ARHGAP5: variants seen among roughly 807,000 people sequenced by gnomAD.
ARHGAP5 encodes the protein Rho GTPase activating protein 5.
Under a neutral mutation model 116.6 loss-of-function variants are expected in ARHGAP5, and 23 were observed. That is an observed-to-expected ratio of 0.20 (90% CI 0.14 to 0.28). ARHGAP5 has a LOEUF of 0.28. Ranked by LOEUF, ARHGAP5 falls within the 10% of genes least tolerant of loss-of-function variation. ARHGAP5 has a pLI of 1.00. For synonymous variants in ARHGAP5, 574 were observed against 602.0 expected (o/e 0.95, Z 0.68); for missense variants, 1,405 against 1,774.8 (o/e 0.79, Z 3.74).
Position 32,131,024 on chromosome 14 carries a change from C to T in ARHGAP5, c.3865+13737C>T, listed in dbSNP as rs534535289. On this transcript the variant is annotated intron_variant, in intron 3 of 6. Coordinates refer to ENST00000345122, the MANE Select transcript of ARHGAP5 (RefSeq NM_001030055.2). ...CAGTTAAAAACGGCATGACACTTCA[C>T]CTCCAAGTCATTTAGCATAGATTTC... is the stretch of plus-strand genomic sequence containing the variant. Among the ~76,000 whole-genome samples the T allele has an allele frequency of 5.6e-4, 86 of 152,268 alleles. 1 individual carries two copies. Among genetic ancestry groups the T allele is most frequent in the African/African-American group, 1.8e-3 (76 of 41,558 alleles).
chr14:32,154,546 A>G (rs1814390283), intron 6 of ARHGAP5, 75 bp from the exon 7 acceptor site: 1 of 1,228,716 alleles, frequency 8.1e-7, no homozygotes, highest in Non-Finnish European at 1.1e-6. Context: ...TAAATCTGAG[A>G]TCATTTCTAG....
Position 32,093,167 on chromosome 14 carries a change from T to A in ARHGAP5, c.2498T>A (p.Ile833Lys), listed in dbSNP as rs779254275. 1 of 1,614,014 alleles carries A rather than the reference T, an allele frequency of 6.2e-7. No individual in the cohort carries two copies. Among genetic ancestry groups the A allele is most frequent in the Admixed American group, 1.7e-5 (1 of 60,012 alleles). Residue 833 changes from isoleucine to lysine, a missense_variant, in exon 2 of 7, where the codon ATA (isoleucine) becomes AAA (lysine). Around this residue, in one of 6 missense-constraint regions of ARHGAP5, gnomAD observed 944 missense variants for 1,095.3 expected, o/e 0.86. Transcript: ENST00000345122. Reference sequence around the variant, plus strand: ...AAAAGGAGGCGAATACAGATCACAATATTATCATACCACTCTTCAATTGGA... The same window carrying A: ...AAAAGGAGGCGAATACAGATCACAAAATTATCATACCACTCTTCAATTGGA... Reference protein sequence around the residue: ...GEKRRRIQITILSYHSSIGVR... With the variant: ...GEKRRRIQITKLSYHSSIGVR...
At chr14:32,129,094 G>A (rs570772296) in intron 3 of ARHGAP5, among the ~76,000 whole-genome samples, 2 of 152,242 alleles carry the variant, frequency 1.3e-5, no homozygotes, top group Admixed American at 1.3e-4. Flanking sequence ...TTTCTAGTTT[G>A]CAACTTCTAA....
chr14:32,139,497 A>G (rs1278516711), intron 3 of ARHGAP5, among the ~76,000 whole-genome samples: 3 of 152,068 alleles, frequency 2.0e-5, no homozygotes, highest in Admixed American at 6.5e-5. Flanking sequence ...ATGGCGTACA[A>G]TTGTTCATAG....
intron 2 of ARHGAP5, among the ~76,000 whole-genome samples, chr14:32,111,328 G>A (rs1287153659): frequency 6.6e-6 from 1 of 152,176 alleles, no homozygotes; most frequent in Non-Finnish European, 1.5e-5. Flanking sequence ...GTGTTGATCA[G>A]GAGGGACCAG....
At chr14:32,143,239 G>GTTGTTA (rs1456165613) in intron 3 of ARHGAP5, among the ~76,000 whole-genome samples, 91 of 143,972 alleles carry the variant, frequency 6.3e-4, no homozygotes, top group African/African-American at 1.2e-3. Context: ...TGTTGTTGTT[G>GTTGTTA]TTATTATTAT....
intron 6 of ARHGAP5, chr14:32,154,166 A>C (rs1881787014): frequency 6.4e-6 from 1 of 156,908 alleles, no homozygotes; most frequent in African/African-American, 2.4e-5. Context: ...TGTTTTTGAG[A>C]CGGAATTTCA....
In ARHGAP5 at chr14:32,152,460, A is replaced by G. The variant is rs1044909597; in HGVS notation, c.4113A>G (p.Lys1371=). The change falls in exon 6 of 7, where the codon AAA becomes AAG. Residue 1371 remains lysine, a synonymous_variant. Transcript: ENST00000345122. ...AAACAGAACGTCTTCATGCCTTGAA[A>G]GAAATTGTTAAGAAATTTCATCCTG... ...PDKTERLHAL[K]EIVKKFHPVN... The G allele has an allele frequency of 3.7e-6, 6 of 1,607,890 alleles. No homozygotes were observed. Among genetic ancestry groups the G allele is most frequent in the Non-Finnish European group, 5.1e-6 (6 of 1,177,916 alleles).
intron 3 of ARHGAP5, among the ~76,000 whole-genome samples, chr14:32,120,911 G>A (rs911301854): frequency 1.8e-4 from 28 of 151,448 alleles, no homozygotes; most frequent in South Asian, 6.3e-4. Flanking sequence ...GTTGAAATCT[G>A]CAATCATGAT....
chr14:32,135,523 A>G (rs1315295937), intron 3 of ARHGAP5, among the ~76,000 whole-genome samples: 1 of 152,236 alleles, frequency 6.6e-6, no homozygotes, highest in Non-Finnish European at 1.5e-5. Flanking sequence ...CCCAGGTTCA[A>G]GCAGTTCTCC....
At chr14:32,115,294 A>C (rs1440961707) in intron 2 of ARHGAP5, among the ~76,000 whole-genome samples, 2 of 152,164 alleles carry the variant, frequency 1.3e-5, no homozygotes, top group East Asian at 3.9e-4. Context: ...AAACTGTGAA[A>C]ATTCTTACTT....
Position 32,093,333 on chromosome 14 carries a change from A to G in ARHGAP5, c.2664A>G (p.Gln888=), listed in dbSNP as rs1311463896. 1 of 1,613,888 alleles carries G rather than the reference A, an allele frequency of 6.2e-7. No homozygotes were observed. The highest frequency in any genetic ancestry group is 1.3e-5 in the African/African-American group (1 of 74,914). ...AGCTGGTGGCAGTTACTGACAGCCA[A>G]GCAGATTTTTTTGAAAATGAGGCTA... is the stretch of plus-strand genomic sequence containing the variant. ...PVQLVAVTDS[Q]ADFFENEAIK... is the part of the protein sequence containing the mutation. Residue 888 remains glutamine (Q), a synonymous_variant, in exon 2 of 7, where the codon CAA becomes CAG. Transcript: ENST00000345122.
chr14:32,090,829 A>T lies in ARHGAP5; in HGVS notation c.160A>T (p.Thr54Ser), dbSNP rs1464591455. The change falls in exon 2 of 7, where the codon ACT becomes TCT. Residue 54 changes from threonine to serine, a missense_variant. Thr to Ser is a moderately conservative substitution (Grantham distance 58, BLOSUM62 1). Around this residue, in one of 6 missense-constraint regions of ARHGAP5, gnomAD observed 190 missense variants for 314.9 expected, o/e 0.60. Transcript: ENST00000345122. ...SKADEYYPEH[T>S]SVLSTIDFGG... The stretch of plus-strand genomic sequence containing the variant: ...AGCAGATGAATATTATCCAGAGCAT[A>T]CTTCTGTGCTTAGCACCATTGACTT... 6.2e-7 allele frequency: 1 copy of T among 1,613,528 alleles called. No individual in the cohort carries two copies. The highest frequency in any genetic ancestry group is 2.2e-5 in the East Asian group (1 of 44,884).
rs563054026 is a variant in ARHGAP5, at chr14:32,117,604, T to A, written c.3865+317T>A. On this transcript the variant is annotated intron_variant, in intron 3 of 6. Coordinates refer to ENST00000345122, the MANE Select transcript of ARHGAP5 (RefSeq NM_001030055.2). ...TGAAGAGATATAGTTATGGTTTGAA[T>A]AGTGTGGAAGTTTTCCATATTTTTA... Among the ~76,000 whole-genome samples the A allele has an allele frequency of 1.4e-3, 209 of 152,328 alleles. 1 individual carries two copies. Among genetic ancestry groups the A allele is most frequent in the African/African-American group, 4.8e-3 (200 of 41,586 alleles).
Position 32,158,427 on chromosome 14 carries a change from T to C in ARHGAP5, c.*3479T>C, listed in dbSNP as rs1391712582. 2 of 151,956 alleles carry C rather than the reference T, an allele frequency of 1.3e-5. No individual in the cohort carries two copies. Among genetic ancestry groups the C allele is most frequent in the Non-Finnish European group, 2.9e-5 (2 of 67,862 alleles). The allele number at this position is 151,956 out of a possible 1,614,324, so 9.4% of individuals were successfully genotyped here. On this transcript the variant is annotated 3_prime_UTR_variant, in exon 7 of 7. Coordinates refer to ENST00000345122, the MANE Select transcript of ARHGAP5 (RefSeq NM_001030055.2). Reference sequence around the variant, plus strand: ...ATTTTTGAGCTGTGGCTAGACATTCTTTAGAGCCACTGGAAATATTTTGAA... The same window carrying C: ...ATTTTTGAGCTGTGGCTAGACATTCCTTAGAGCCACTGGAAATATTTTGAA...
intron 4 of ARHGAP5, among the ~76,000 whole-genome samples, chr14:32,147,653 T>A (rs1478733478): frequency 6.6e-6 from 1 of 152,170 alleles, no homozygotes; most frequent in Non-Finnish European, 1.5e-5. Context: ...CTTGCAGTAT[T>A]GTAAGTTTTT....
chr14:32,114,740 T>G (rs563263229), intron 2 of ARHGAP5, among the ~76,000 whole-genome samples: 2 of 152,288 alleles, frequency 1.3e-5, no homozygotes, highest in African/African-American at 4.8e-5. Flanking sequence ...TGAAAGGATT[T>G]AATTAAGTAT....
chr14:32,095,437 A>C (rs1594349760), intron 2 of ARHGAP5, among the ~76,000 whole-genome samples: 1 of 101,362 alleles, frequency 9.9e-6, no homozygotes, highest in Admixed American at 1.3e-4. Context: ...TTTGAGATGG[A>C]GTTTCGCTCT....
intron 1 of ARHGAP5, among the ~76,000 whole-genome samples, chr14:32,088,114 T>TG (rs2041848865): frequency 6.6e-6 from 1 of 152,072 alleles, no homozygotes; most frequent in African/African-American, 2.4e-5. Flanking sequence ...GAAGTGAGTC[T>TG]TAATGAGTAA....
Sources: allele counts gnomAD v4.1 joint callset (sites outside exome capture counted in the v4.1 genomes callset), GRCh38; gene constraint gnomAD v4.1.1; regional missense constraint gnomAD v4.1.1; transcripts MANE v1.5; gene names NCBI Gene and HGNC (gene_info 2026-07-23, HGNC 2026-07-21).